SORCS2: variants seen among roughly 807,000 people sequenced by gnomAD.
SORCS2 encodes the protein VPS10 domain-containing receptor SorCS2.
Under a neutral mutation model 141.6 loss-of-function variants are expected in SORCS2, and 100 were observed. That is an observed-to-expected ratio of 0.71 (90% CI 0.60 to 0.83). SORCS2 has a LOEUF of 0.83. SORCS2 is among the 40% of genes least tolerant of loss of function. The pLI is 0.00. For synonymous variants in SORCS2, 789 were observed against 676.9 expected (o/e 1.17, Z -2.57); for missense variants, 1,646 against 1,560.2 (o/e 1.05, Z -0.93).
At chr4:7,470,125 C>G (rs976198631) in intron 2 of SORCS2, among the ~76,000 whole-genome samples, 2 of 152,260 alleles carry the variant, frequency 1.3e-5, no homozygotes, top group Admixed American at 1.3e-4. Context: ...TTTCATTGAA[C>G]TGTCCAGGGT....
At chr4:7,510,600 CGCG>C (rs1732563136) in intron 2 of SORCS2, among the ~76,000 whole-genome samples, 1 of 142,974 alleles carries the variant, frequency 7.0e-6, no homozygotes, top group African/African-American at 2.6e-5. Context: ...TTGTTCTGTG[CGCG>C]GCATGTCCAG....
intron 2 of SORCS2, among the ~76,000 whole-genome samples, chr4:7,435,237 A>T (rs576536750): frequency 6.6e-6 from 1 of 151,704 alleles, no homozygotes; most frequent in African/African-American, 2.4e-5. Context: ...CCTGCAGCTC[A>T]CTGTCCTCTC....
chr4:7,647,135 G>A (rs953102196), intron 4 of SORCS2, among the ~76,000 whole-genome samples: 4 of 152,194 alleles, frequency 2.6e-5, no homozygotes, highest in African/African-American at 4.8e-5. Flanking sequence ...CACAGCTTGC[G>A]CAAAGGCCTG....
intron 2 of SORCS2, among the ~76,000 whole-genome samples, chr4:7,456,823 A>G (rs1181721079): frequency 1.3e-5 from 2 of 152,084 alleles, no homozygotes; most frequent in East Asian, 3.9e-4. Context: ...GGAGGGAAGG[A>G]TCACAGGCTT....
chr4:7,244,297 T>TC (rs1166937121), intron 1 of SORCS2, among the ~76,000 whole-genome samples: 1 of 152,082 alleles, frequency 6.6e-6, no homozygotes, highest in African/African-American at 2.4e-5. Flanking sequence ...GCTCATGCAC[T>TC]CCCCCCGAGT....
At position 7,667,220 on chromosome 4, in the gene SORCS2, T is replaced by C. The variant is rs778017395; in HGVS notation, c.1161+7T>C. ...GAAGTATGCATTGCCAAAGGTAAGG[T>C]GCTCCCCATTCCGCCTGGTCCTGTG... On this transcript the variant is annotated splice_region_variant and intron_variant, in intron 8 of 26. Transcript: ENST00000507866. 6 of 1,613,198 alleles carry C rather than the reference T, an allele frequency of 3.7e-6. No homozygotes were observed. The highest frequency in any genetic ancestry group is 5.1e-6 in the Non-Finnish European group (6 of 1,179,208).
chr4:7,722,586 TC>T (rs539362224), intron 18 of SORCS2, among the ~76,000 whole-genome samples: 243 of 152,294 alleles, frequency 1.6e-3, no homozygotes, highest in Middle Eastern at 6.8e-3. Context: ...GCAGCCTCTG[TC>T]CGTGCCCAAA....
intron 4 of SORCS2, among the ~76,000 whole-genome samples, chr4:7,647,629 T>C (rs1721164038): frequency 6.6e-6 from 1 of 152,162 alleles, no homozygotes; most frequent in Non-Finnish European, 1.5e-5. Flanking sequence ...CAGGAATTCA[T>C]CCACTTTGGT....
chr4:7,458,166 C>G (rs1228915304), intron 2 of SORCS2, among the ~76,000 whole-genome samples: 2 of 152,020 alleles, frequency 1.3e-5, no homozygotes, highest in African/African-American at 4.8e-5. Context: ...TGGGCAGCAC[C>G]GAGGCCTGGG....
Position 7,321,516 on chromosome 4 carries a change from G to A in SORCS2, c.481-74772G>A, listed in dbSNP as rs146629171. ...GAATCAAATCAAGAACTCAATCCCG[G>A]GACTCTTTCTGGCACTGGGAAGACA... On this transcript the variant is annotated intron_variant, in intron 1 of 26. Coordinates refer to ENST00000507866, the MANE Select transcript of SORCS2 (RefSeq NM_020777.3). Among the ~76,000 whole-genome samples, 433 of 152,258 alleles carry A rather than the reference G, an allele frequency of 2.8e-3. 4 individuals carry two copies. Among genetic ancestry groups the A allele is most frequent in the African/African-American group, 9.9e-3 (410 of 41,530 alleles).
chr4:7,710,235 C>G (rs887531771), intron 14 of SORCS2, among the ~76,000 whole-genome samples: 1 of 152,202 alleles, frequency 6.6e-6, no homozygotes, highest in African/African-American at 2.4e-5. Context: ...AGCTCCAGAG[C>G]CACCAGCCCG....
intron 3 of SORCS2, among the ~76,000 whole-genome samples, chr4:7,599,766 G>A (rs192936251): frequency 2.9e-4 from 44 of 152,120 alleles, no homozygotes; most frequent in East Asian, 1.7e-3. Context: ...TGTGCAGGGC[G>A]TGGGATCTTT....
At chr4:7,527,728 C>T (rs558146875) in intron 2 of SORCS2, among the ~76,000 whole-genome samples, 17 of 152,286 alleles carry the variant, frequency 1.1e-4, no homozygotes, top group Non-Finnish European at 1.9e-4. Context: ...TGTTTGTGCC[C>T]CCTCCGCTGA....
At chr4:7,328,487 A>G (rs1577404684) in intron 1 of SORCS2, among the ~76,000 whole-genome samples, 1 of 152,146 alleles carries the variant, frequency 6.6e-6, no homozygotes, top group African/African-American at 2.4e-5. Context: ...ACTGAGGCAC[A>G]GATCTGCACA....
intron 1 of SORCS2, among the ~76,000 whole-genome samples, chr4:7,254,709 T>G (rs1713729738): frequency 6.6e-6 from 1 of 152,186 alleles, no homozygotes; most frequent in African/African-American, 2.4e-5. Context: ...TGGACGTGAC[T>G]TTGGATGCTC....
chr4:7,397,224 G>T (rs1724272049), intron 2 of SORCS2, among the ~76,000 whole-genome samples: 1 of 152,178 alleles, frequency 6.6e-6, no homozygotes, highest in African/African-American at 2.4e-5. Flanking sequence ...TAGCTAAGGG[G>T]TTTGGTGATT....
intron 3 of SORCS2, among the ~76,000 whole-genome samples, chr4:7,564,850 C>A (rs1024732485): frequency 6.6e-6 from 1 of 152,214 alleles, no homozygotes; most frequent in African/African-American, 2.4e-5. Context: ...TCCCTGATTT[C>A]TAGGCAGCTG....
chr4:7,524,882 G>A (rs989495208), intron 2 of SORCS2, among the ~76,000 whole-genome samples: 4 of 151,940 alleles, frequency 2.6e-5, no homozygotes, highest in Admixed American at 2.0e-4. Context: ...CGAGTGCACC[G>A]CAGAGAGAAA....
At chr4:7,268,568 G>A (rs965717999) in intron 1 of SORCS2, among the ~76,000 whole-genome samples, 5 of 152,234 alleles carry the variant, frequency 3.3e-5, no homozygotes, top group African/African-American at 1.2e-4. Context: ...AAACCTCCGA[G>A]GGCCCATGTG....
Sources: gnomAD v4.1 joint callset for allele counts (sites outside exome capture counted in the v4.1 genomes callset) on GRCh38, gnomAD v4.1.1 for gene constraint, MANE v1.5 for transcripts, NCBI Gene and HGNC (gene_info 2026-07-23, HGNC 2026-07-21) for gene names.